PDE7B: variants seen among roughly 807,000 people sequenced by gnomAD.
PDE7B encodes phosphodiesterase 7B.
A neutral mutation model predicts 56.2 loss-of-function variants in PDE7B; 29 were observed. The observed-to-expected ratio is 0.52, with a 90% confidence interval of 0.38 to 0.70. The LOEUF (loss-of-function observed/expected upper bound fraction) is 0.70, where lower values mean the gene tolerates loss of function less well. PDE7B is among the 30% of genes least tolerant of loss of function. The probability of loss-of-function intolerance (pLI) is 0.00; values close to 1 mark genes in which losing one functional copy is unlikely to be tolerated. For missense variants in PDE7B, 490 were observed against 565.0 expected, an observed-to-expected ratio of 0.87 and a Z score of 1.35; for synonymous variants, 197 against 196.9, an observed-to-expected ratio of 1.00 and a Z score of 0.00.
At chr6:136,040,860 G>C (rs1340573869) in intron 2 of PDE7B, among the ~76,000 whole-genome samples, 1 of 152,136 alleles carries the variant, frequency 6.6e-6, no homozygotes, top group African/African-American at 2.4e-5. Flanking sequence ...ACAAAGCCCA[G>C]GTCAAGCATC....
intron 2 of PDE7B, among the ~76,000 whole-genome samples, chr6:136,067,519 T>C (rs953390856): frequency 9.2e-5 from 14 of 152,288 alleles, no homozygotes; most frequent in African/African-American, 2.6e-4. Flanking sequence ...TAAAACTACA[T>C]AGGACATTCT....
chr6:136,054,719 C>T (rs1776698791), intron 2 of PDE7B, among the ~76,000 whole-genome samples: 1 of 152,130 alleles, frequency 6.6e-6, no homozygotes, highest in Non-Finnish European at 1.5e-5. Flanking sequence ...TTTGTATCTT[C>T]TTTTATTTCC....
At chr6:136,010,064 T>G (rs1471565567) in intron 2 of PDE7B, among the ~76,000 whole-genome samples, 1 of 152,212 alleles carries the variant, frequency 6.6e-6, no homozygotes, top group African/African-American at 2.4e-5. Context: ...TCTTTCTAAC[T>G]TTTCTATGTG....
chr6:135,959,948 A>G lies in PDE7B; in HGVS notation c.82+12424A>G, dbSNP rs141101431. The stretch of plus-strand genomic sequence containing the variant: ...ACCACCACCCCTGGCTAATTTTTAA[A>G]TTTTTTGTACAGATGGGGTTTCACC... On this transcript the variant is annotated intron_variant, in intron 2 of 12. Transcript: ENST00000308191. 1.6e-3 allele frequency among the ~76,000 whole-genome samples: 241 copies of G among 152,112 alleles called. 1 individual carries two copies. The East Asian group carries it at 0.028, about 18-fold the overall frequency.
intron 2 of PDE7B, among the ~76,000 whole-genome samples, chr6:135,958,983 G>T (rs1238706051): frequency 2.6e-5 from 4 of 152,050 alleles, no homozygotes; most frequent in Non-Finnish European, 5.9e-5. Context: ...CTACTTCAAG[G>T]TACCCAACCA....
At chr6:136,014,107 C>T (rs1441363996) in intron 2 of PDE7B, among the ~76,000 whole-genome samples, 1 of 152,050 alleles carries the variant, frequency 6.6e-6, no homozygotes, top group East Asian at 1.9e-4. Context: ...TAAATTTTAC[C>T]TGAGTAATTT....
intron 2 of PDE7B, among the ~76,000 whole-genome samples, chr6:136,097,579 G>T (rs1300923744): frequency 6.6e-6 from 1 of 151,890 alleles, no homozygotes; most frequent in African/African-American, 2.4e-5. Flanking sequence ...TCTCCATACT[G>T]CACCCAAAGT....
intron 3 of PDE7B, among the ~76,000 whole-genome samples, chr6:136,138,638 A>G (rs991883150): frequency 4.6e-5 from 7 of 152,144 alleles, no homozygotes; most frequent in African/African-American, 9.7e-5. Flanking sequence ...GCAAATGGCT[A>G]TGTAGCATTG....
At chr6:135,951,659 T>G (rs1389868809) in intron 2 of PDE7B, among the ~76,000 whole-genome samples, 2 of 152,148 alleles carry the variant, frequency 1.3e-5, no homozygotes, top group East Asian at 3.8e-4. Flanking sequence ...TTTTTCAAAT[T>G]ATAAGCCTTA....
At chr6:135,860,476 A>G (rs1249063614) in intron 1 of PDE7B, among the ~76,000 whole-genome samples, 1 of 152,070 alleles carries the variant, frequency 6.6e-6, no homozygotes, top group African/African-American at 2.4e-5. Context: ...CTGATACTTT[A>G]AACTTCAGAA....
intron 2 of PDE7B, among the ~76,000 whole-genome samples, chr6:136,002,841 C>A (rs1392288450): frequency 1.3e-5 from 2 of 152,010 alleles, no homozygotes; most frequent in African/African-American, 2.4e-5. Context: ...CAGCTCTGCA[C>A]CAAGTGGACC....
chr6:136,083,880 G>C (rs1265883281), intron 2 of PDE7B, among the ~76,000 whole-genome samples: 1 of 151,908 alleles, frequency 6.6e-6, no homozygotes, highest in Non-Finnish European at 1.5e-5. Context: ...AGATACAAGA[G>C]ACATAGCTCC....
intron 2 of PDE7B, among the ~76,000 whole-genome samples, chr6:136,089,145 T>G (rs1042477404): frequency 2.6e-5 from 4 of 152,212 alleles, no homozygotes; most frequent in African/African-American, 9.7e-5. Context: ...AGGTCCCACC[T>G]CAGTCCTAGG....
At chr6:135,900,623 G>A (rs1156388306) in intron 1 of PDE7B, among the ~76,000 whole-genome samples, 1 of 151,748 alleles carries the variant, frequency 6.6e-6, no homozygotes, top group East Asian at 1.9e-4. Context: ...GTCATGAAAG[G>A]CATGTCTACT....
intron 3 of PDE7B, among the ~76,000 whole-genome samples, chr6:136,138,619 A>G (rs1307043431): frequency 2.0e-5 from 3 of 152,026 alleles, no homozygotes; most frequent in Non-Finnish European, 4.4e-5. Context: ...GTTAAGTGCT[A>G]TTGTTTTCGC....
At chr6:135,978,523 T>G (rs1053831093) in intron 2 of PDE7B, among the ~76,000 whole-genome samples, 2 of 152,138 alleles carry the variant, frequency 1.3e-5, no homozygotes, top group Non-Finnish European at 2.9e-5. Context: ...TTACAATAAT[T>G]TTTTTACTTT....
At position 136,155,769 on chromosome 6, in the gene PDE7B, C is replaced by A. The variant is rs372185895; in HGVS notation, c.711+11C>A. The A allele has an allele frequency of 3.1e-6, 5 of 1,613,822 alleles. No homozygotes were observed. In the South Asian group the frequency reaches 5.5e-5, roughly 18 times the overall value. ...GCAAACCTATATCAGGTAAGGGAGC[C>A]CAACCTGGAGCCAGCCACAGTATGG... On this transcript the variant is annotated intron_variant, in intron 8 of 12. Transcript: ENST00000308191.
chr6:135,898,253 G>A (rs1775936946), intron 1 of PDE7B, among the ~76,000 whole-genome samples: 1 of 152,142 alleles, frequency 6.6e-6, no homozygotes, highest in South Asian at 2.1e-4. Flanking sequence ...TCTGCTAAAA[G>A]ACTTCATGTA....
At chr6:135,914,651 C>CG (rs71006777) in intron 1 of PDE7B, among the ~76,000 whole-genome samples, 12 of 12 alleles carry the variant, frequency 1, 6 homozygotes, top group Non-Finnish European at 1. Flanking sequence ...CTACCACGCC[C>CG]GCTAATTTTT....
Sources: gnomAD v4.1 joint callset for allele counts (sites outside exome capture counted in the v4.1 genomes callset) on GRCh38, gnomAD v4.1.1 for gene constraint, MANE v1.5 for transcripts, NCBI Gene and HGNC (gene_info 2026-07-23, HGNC 2026-07-21) for gene names.